Variants in SCN9A observed in about 807,000 individuals in gnomAD.
SCN9A encodes the protein sodium channel protein type 9 subunit alpha.
SCN9A carries 131 observed loss-of-function variants against 187.0 expected under a neutral mutation model. That is an observed-to-expected ratio of 0.70 (90% CI 0.61 to 0.81). The LOEUF is 0.81. Among genes scored for constraint, SCN9A ranks in the 30% least tolerant of loss-of-function variants. The pLI is 0.00. For missense variants in SCN9A, 2,252 were observed against 2,396.6 expected (o/e 0.94, Z 1.26); for synonymous variants, 809 against 808.6 (o/e 1.00, Z -0.01).
chr2:166,209,051 C>G (rs1693954596), intron 24 of SCN9A, among the ~76,000 whole-genome samples: 1 of 152,164 alleles, frequency 6.6e-6, no homozygotes, highest in African/African-American at 2.4e-5. Context: ...ATGATTAGAA[C>G]AATTGATACA....
chr2:166,359,346 C>A (rs997472117), intron 1 of SCN9A, among the ~76,000 whole-genome samples: 1 of 151,902 alleles, frequency 6.6e-6, no homozygotes, highest in African/African-American at 2.4e-5. Context: ...TTTTTTAATA[C>A]CTCTTCTTTA....
chr2:166,281,943 G>T, intron 12 of SCN9A, 135 bp from the exon 13 acceptor site: 2 of 683,386 alleles, frequency 2.9e-6, no homozygotes, highest in Non-Finnish European at 4.6e-6. Flanking sequence ...TTATGGCTCT[G>T]CTACTTACTG....
At chr2:166,265,722 A>G (rs1696704291) in intron 17 of SCN9A, among the ~76,000 whole-genome samples, 1 of 151,830 alleles carries the variant, frequency 6.6e-6, no homozygotes, top group Non-Finnish European at 1.5e-5. Context: ...TCCTTTAAAC[A>G]CTTATATCTT....
chr2:166,207,313 T>C (rs1693853185), intron 24 of SCN9A, among the ~76,000 whole-genome samples: 1 of 151,760 alleles, frequency 6.6e-6, no homozygotes, highest in Non-Finnish European at 1.5e-5. Flanking sequence ...CTTCCTCTTA[T>C]TTACTTATTT....
intron 24 of SCN9A, among the ~76,000 whole-genome samples, chr2:166,219,863 C>T (rs533521106): frequency 3.3e-5 from 5 of 152,182 alleles, no homozygotes; most frequent in South Asian, 4.1e-4. Flanking sequence ...TGTTAATTAG[C>T]GTGACTGAAA....
intron 21 of SCN9A, among the ~76,000 whole-genome samples, 177 bp downstream of exon 21, chr2:166,233,163 A>G (rs1405170029): frequency 2.1e-5 from 3 of 139,584 alleles, no homozygotes; most frequent in Admixed American, 7.4e-5. Context: ...ACTATATAGT[A>G]TACATATGCA....
rs140494382 is a variant in SCN9A, at chr2:166,279,285, C to G, written c.2344-972G>C. 5.1e-4 allele frequency among the ~76,000 whole-genome samples: 77 copies of G among 152,274 alleles called. 1 individual carries two copies. The highest frequency in any genetic ancestry group is 1.8e-3 in the African/African-American group (74 of 41,558). ...TAGACAATTTAGAAGAAAAGACAGA[C>G]TCAGAAAAGAACTTCTGGTCTTCAA... is the stretch of plus-strand genomic sequence containing the variant. On this transcript the variant is annotated intron_variant, in intron 14 of 26. Transcript: ENST00000642356.
At chr2:166,355,791 T>A (rs201908866) in intron 1 of SCN9A, among the ~76,000 whole-genome samples, 2 of 65,576 alleles carry the variant, frequency 3.0e-5, no homozygotes, top group Non-Finnish European at 9.9e-5. Flanking sequence ...GAAATGAGAT[T>A]TTTTTTTTTT....
chr2:166,275,596 A>AAAAAT (rs1559001360), intron 16 of SCN9A, among the ~76,000 whole-genome samples: 1 of 150,162 alleles, frequency 6.7e-6, no homozygotes. Context: ...AAAAAAAAAA[A>AAAAAT]ATACACAAGC....
Position 166,228,768 on chromosome 2 carries a change from TAACATTCATAAGGGCAA to T in SCN9A, c.4112_4128del (p.Phe1371Ter). The T allele has an allele frequency of 6.2e-7, 1 of 1,613,908 alleles. No homozygotes were observed. Among genetic ancestry groups the T allele is most frequent in the Non-Finnish European group, 8.5e-7 (1 of 1,179,832 alleles). On this transcript the variant is annotated frameshift_variant, in exon 22 of 27. Transcript: ENST00000642356. LOFTEE classifies it high-confidence loss of function. The stretch of plus-strand genomic sequence containing the variant: ...AGGTTTTTCCATCGCACATTTTGAC[TAACATTCATAAGGGCAA>T]AACATTCGGAACGATTTGGAACTTG...
chr2:166,327,850 A>T (rs1396333487), intron 1 of SCN9A, among the ~76,000 whole-genome samples: 1 of 152,208 alleles, frequency 6.6e-6, no homozygotes, highest in African/African-American at 2.4e-5. Flanking sequence ...AACTCTCCCC[A>T]GACCTCTAGC....
chr2:166,365,803 T>C (rs1477886475), intron 1 of SCN9A, among the ~76,000 whole-genome samples: 1 of 152,192 alleles, frequency 6.6e-6, no homozygotes, highest in Non-Finnish European at 1.5e-5. Flanking sequence ...GCATATCTTA[T>C]GGTACAATGA....
chr2:166,328,881 T>C (rs1025885055), intron 1 of SCN9A, among the ~76,000 whole-genome samples: 5 of 152,184 alleles, frequency 3.3e-5, no homozygotes, highest in African/African-American at 1.2e-4. Flanking sequence ...TAATCTTATT[T>C]TGACTTTCAA....
At chr2:166,239,623 A>C (rs1695478368) in intron 19 of SCN9A, among the ~76,000 whole-genome samples, 1 of 152,178 alleles carries the variant, frequency 6.6e-6, no homozygotes, top group Admixed American at 6.5e-5. Flanking sequence ...GGAGGCTTCT[A>C]GCCCTCAGGA....
chr2:166,301,115 CT>C (rs1270698443), intron 7 of SCN9A: 2 of 101,898 alleles, frequency 2.0e-5, no homozygotes, highest in Admixed American at 1.0e-4. Context: ...TTTTTTTCTT[CT>C]TTTTTTGTAT....
chr2:166,263,843 C>G (rs999949649), intron 17 of SCN9A, among the ~76,000 whole-genome samples: 1 of 151,938 alleles, frequency 6.6e-6, no homozygotes, highest in Non-Finnish European at 1.5e-5. Context: ...GATGCAGCTG[C>G]AAGCTGCAAG....
At chr2:166,308,683 G>GA in intron 2 of SCN9A, among the ~76,000 whole-genome samples, 1 of 152,242 alleles carries the variant, frequency 6.6e-6, no homozygotes, top group South Asian at 2.1e-4. Flanking sequence ...AGCACTTTGG[G>GA]AGGCCAAGGT....
Position 166,272,746 on chromosome 2 carries a change from C to T in SCN9A, c.3004G>A (p.Val1002Met), listed in dbSNP as rs4369876. Reference protein sequence around the residue: ...VTRIKKGINYVKQTLREFILK... With the variant: ...VTRIKKGINYMKQTLREFILK... ...ATAAATTCACGTAAGGTTTGTTTCACATAATTTATTCCCTTTTTAATTCTA... is the reference window on the plus strand; with the variant it reads ...ATAAATTCACGTAAGGTTTGTTTCATATAATTTATTCCCTTTTTAATTCTA... Residue 1002 changes from valine (V) to methionine (M), a missense_variant, in exon 17 of 27, where the codon GTG becomes ATG. Physicochemically the swap from Val to Met is conservative, Grantham distance 21. Around this residue, in one of 7 missense-constraint regions of SCN9A, gnomAD observed 313 missense variants for 295.3 expected, o/e 1.06. Coordinates refer to ENST00000642356, the MANE Select transcript of SCN9A (RefSeq NM_001365536.1). The T allele has an allele frequency of 6.4e-7, 1 of 1,563,460 alleles. No homozygotes were observed. The highest frequency in any genetic ancestry group is 8.6e-7 in the Non-Finnish European group (1 of 1,158,328).
At chr2:166,219,330 G>A (rs4599136) in intron 24 of SCN9A, among the ~76,000 whole-genome samples, 134,185 of 152,200 alleles carry the variant, frequency 0.88, 59,219 homozygotes, top group East Asian at 0.95. Flanking sequence ...ATGACCATCA[G>A]TGATAGACTG....
Sources: allele counts gnomAD v4.1 joint callset (sites outside exome capture counted in the v4.1 genomes callset), GRCh38; gene constraint gnomAD v4.1.1; regional missense constraint gnomAD v4.1.1; transcripts MANE v1.5; gene names NCBI Gene and HGNC (gene_info 2026-07-23, HGNC 2026-07-21).